NRF1: variants seen among roughly 807,000 people sequenced by gnomAD.
NRF1 encodes alpha palindromic-binding protein.
A neutral mutation model predicts 58.5 loss-of-function variants in NRF1; 5 were observed. The ratio of observed to expected loss-of-function variants is 0.09; its 90% CI spans 0.04 to 0.18. The LOEUF is 0.18. Among genes scored for constraint, NRF1 ranks in the 10% least tolerant of loss-of-function variants. The pLI, the probability that NRF1 is intolerant of heterozygous loss-of-function variation, is 1.00. For synonymous variants in NRF1, 224 were observed against 246.7 expected, an observed-to-expected ratio of 0.91 and a Z score of 0.86; for missense variants, 288 against 657.7, an observed-to-expected ratio of 0.44 and a Z score of 6.15.
rs1369066420 is a variant in NRF1, at chr7:129,657,364, G to A, written c.13G>A (p.Gly5Arg). The A allele has an allele frequency of 4.3e-6, 7 of 1,613,788 alleles. No homozygotes were observed. Among genetic ancestry groups the A allele is most frequent in the South Asian group, 1.1e-5 (1 of 91,078 alleles). Reference sequence around the variant, plus strand: ...ACAGTAGAACTTCATGGAGGAACACGGAGTGACCCAAACCGAACATATGGC... The same window carrying A: ...ACAGTAGAACTTCATGGAGGAACACAGAGTGACCCAAACCGAACATATGGC... MEEH[G>R]VTQTEHMATI... Residue 5 changes from glycine (G) to arginine (R), a missense_variant, in exon 2 of 11, where the codon GGA becomes AGA. Transcript: ENST00000393232.
chr7:129,681,820 C>T (rs781297247), intron 4 of NRF1, among the ~76,000 whole-genome samples: 2 of 104,066 alleles, frequency 1.9e-5, no homozygotes, highest in African/African-American at 3.9e-5. Context: ...GGTACAGTGG[C>T]TCATGCCTGT....
chr7:129,746,827 G>A (rs749426875), intron 10 of NRF1, among the ~76,000 whole-genome samples: 2 of 152,114 alleles, frequency 1.3e-5, no homozygotes, highest in Non-Finnish European at 2.9e-5. Context: ...CTACTGTCAT[G>A]TTTATTATTT....
At chr7:129,748,172 G>A (rs1427734715) in intron 10 of NRF1, among the ~76,000 whole-genome samples, 2 of 150,248 alleles carry the variant, frequency 1.3e-5, no homozygotes, top group African/African-American at 2.4e-5. Context: ...CTACTCAGGA[G>A]GCTGAGGCAG....
Position 129,653,079 on chromosome 7 carries a change from ACT to A in NRF1, c.-6-4264_-6-4263del, listed in dbSNP as rs539834493. Among the ~76,000 whole-genome samples, 28 of 152,164 alleles carry A rather than the reference ACT, an allele frequency of 1.8e-4. No individual in the cohort carries two copies. In the South Asian group the frequency reaches 5.2e-3, roughly 28 times the overall value. ...GAACTCTTTATCTTGCAGAACTGAAACTCTGTACTCCCAGCCCCTGGCGACTA... is the reference window on the plus strand; with the variant it reads ...GAACTCTTTATCTTGCAGAACTGAAACTGTACTCCCAGCCCCTGGCGACTA... On this transcript the variant is annotated intron_variant, in intron 1 of 10. Transcript: ENST00000393232.
chr7:129,755,282 G>C lies in NRF1; in HGVS notation c.*101G>C, dbSNP rs1804225763. 10 of 1,097,794 alleles carry C rather than the reference G, an allele frequency of 9.1e-6. No homozygotes were observed. In the South Asian group the frequency reaches 3.0e-4, roughly 33 times the overall value. The allele number at this position is 1,097,794 out of a possible 1,614,324, so 68.0% of individuals were successfully genotyped here. Reference sequence around the variant, plus strand: ...GGAATTAAGTCTCTCGACTTTGGAAGGAAAGTTTTGTTAACCTTTTTTTTT... The same window carrying C: ...GGAATTAAGTCTCTCGACTTTGGAACGAAAGTTTTGTTAACCTTTTTTTTT... On this transcript the variant is annotated 3_prime_UTR_variant, in exon 11 of 11. Coordinates refer to ENST00000393232, the MANE Select transcript of NRF1 (RefSeq NM_005011.5). This position sits in a 1 kb window ranked among gnomAD's most constrained non-coding sequence, Gnocchi z 5.8.
At chr7:129,752,968 A>T (rs969685117) in intron 10 of NRF1, among the ~76,000 whole-genome samples, 4 of 152,172 alleles carry the variant, frequency 2.6e-5, no homozygotes, top group Non-Finnish European at 5.9e-5. Flanking sequence ...GTGAGGGCAC[A>T]CCAGAGGAGC....
chr7:129,668,526 A>T (rs2151081893), intron 2 of NRF1, among the ~76,000 whole-genome samples: 1 of 152,346 alleles, frequency 6.6e-6, no homozygotes, highest in East Asian at 1.9e-4. Context: ...ACTGTATTAA[A>T]TTTATAAATC....
At position 129,648,343 on chromosome 7, in the gene NRF1, A is replaced by G. The variant is rs369648336; in HGVS notation, c.-6-9003A>G. ...CGCCCAGGCTGGAGTGCAGTGGCAC[A>G]ATCTCGGCTCACTGCAAGCTCCGCC... On this transcript the variant is annotated intron_variant, in intron 1 of 10. Coordinates refer to ENST00000393232, the MANE Select transcript of NRF1 (RefSeq NM_005011.5). 1.8e-3 allele frequency among the ~76,000 whole-genome samples: 267 copies of G among 146,220 alleles called. 1 individual carries two copies. The highest frequency in any genetic ancestry group is 6.4e-3 in the African/African-American group (250 of 38,936).
intron 9 of NRF1, among the ~76,000 whole-genome samples, chr7:129,725,783 A>G: frequency 6.6e-6 from 1 of 152,250 alleles, no homozygotes; most frequent in South Asian, 2.1e-4. Context: ...AAACACAGGC[A>G]TAAAAATTAA....
At chr7:129,615,815 T>C (rs1584573438) in intron 1 of NRF1, among the ~76,000 whole-genome samples, 2 of 152,178 alleles carry the variant, frequency 1.3e-5, no homozygotes, top group East Asian at 1.9e-4. Context: ...TATCCATCAG[T>C]TTTCTACTAA....
chr7:129,627,965 A>G (rs551342222), intron 1 of NRF1, among the ~76,000 whole-genome samples: 14 of 151,736 alleles, frequency 9.2e-5, no homozygotes, highest in East Asian at 1.9e-4. Flanking sequence ...GACTCTGGCA[A>G]TCATCACATT....
rs536700788 is a variant in NRF1, at chr7:129,645,504, A to T, written c.-6-11842A>T. ...CTTTCCCATGCTGGAAATGATAGCC[A>T]TTACCCACCACTGATTTTCAGTAGG... On this transcript the variant is annotated intron_variant, in intron 1 of 10. Transcript: ENST00000393232. 2.6e-5 allele frequency among the ~76,000 whole-genome samples: 4 copies of T among 152,316 alleles called. No individual in the cohort carries two copies. In the East Asian group the frequency reaches 5.8e-4, roughly 22 times the overall value.
At chr7:129,718,940 C>G (rs1422019034) in intron 9 of NRF1, among the ~76,000 whole-genome samples, 19 of 152,158 alleles carry the variant, frequency 1.2e-4, no homozygotes, top group Admixed American at 1.2e-3. Flanking sequence ...AGATAAAATT[C>G]TCATCGCGGT....
chr7:129,660,934 C>T lies in NRF1; in HGVS notation c.223+3360C>T, dbSNP rs530785651. On this transcript the variant is annotated intron_variant, in intron 2 of 10. Transcript: ENST00000393232. ...TTGCAGAGGTTCTCTATGAGGGTCC[C>T]GCCCCTGCAGCAAACTTCTGCCTGG... Among the ~76,000 whole-genome samples, 38 of 151,322 alleles carry T rather than the reference C, an allele frequency of 2.5e-4. 1 individual carries two copies. Among genetic ancestry groups the T allele is most frequent in the African/African-American group, 6.9e-4 (28 of 40,598 alleles).
chr7:129,657,637 TCTCA>T, intron 2 of NRF1, 63 bp downstream of exon 2: 1 of 1,050,078 alleles, frequency 9.5e-7, no homozygotes, highest in Non-Finnish European at 1.4e-6. Flanking sequence ...GGAGACAGCG[TCTCA>T]CTCTGTTGCT....
At chr7:129,659,678 C>T (rs1801738735) in intron 2 of NRF1, among the ~76,000 whole-genome samples, 1 of 152,194 alleles carries the variant, frequency 6.6e-6, no homozygotes, top group African/African-American at 2.4e-5. Context: ...CTATTTCATT[C>T]TAACCGCTAC....
At chr7:129,650,520 T>G (rs1000996321) in intron 1 of NRF1, among the ~76,000 whole-genome samples, 1 of 152,200 alleles carries the variant, frequency 6.6e-6, no homozygotes, top group African/African-American at 2.4e-5. Context: ...CAGAGATGAC[T>G]GTCTGATTTA....
Position 129,748,935 on chromosome 7 carries a change from G to A in NRF1, c.1349-6083G>A, listed in dbSNP as rs1474922589. 2.0e-5 allele frequency among the ~76,000 whole-genome samples: 3 copies of A among 152,360 alleles called. No individual in the cohort carries two copies. In the East Asian group the frequency reaches 5.8e-4, roughly 29 times the overall value. ...GAATAGAGTAGATTGGCTCATGAAT[G>A]ATAAATCCAGAGTGTGCAAGACTGT... On this transcript the variant is annotated intron_variant, in intron 10 of 10. Coordinates refer to ENST00000393232, the MANE Select transcript of NRF1 (RefSeq NM_005011.5).
chr7:129,720,876 A>G (rs180754484), intron 9 of NRF1, among the ~76,000 whole-genome samples: 1 of 152,116 alleles, frequency 6.6e-6, no homozygotes, highest in African/African-American at 2.4e-5. Flanking sequence ...GTTAATTTTC[A>G]TTTTCAAAAT....
Sources: allele counts gnomAD v4.1 joint callset (sites outside exome capture counted in the v4.1 genomes callset), GRCh38; gene constraint gnomAD v4.1.1; non-coding constraint Gnocchi (gnomAD v3.1); transcripts MANE v1.5; gene names NCBI Gene and HGNC (gene_info 2026-07-23, HGNC 2026-07-21).